Variants in STAB2 observed in about 807,000 individuals in gnomAD.
STAB2 encodes the protein stabilin 2.
In STAB2, 288 loss-of-function variants were observed where a neutral mutation model predicts 338.1. The ratio of observed to expected loss-of-function variants is 0.85; its 90% CI spans 0.77 to 0.94. The LOEUF is 0.94. STAB2 is among the 40% of genes least tolerant of loss of function. The probability of loss-of-function intolerance (pLI) is 0.00; values close to 1 mark genes in which losing one functional copy is unlikely to be tolerated. For synonymous variants in STAB2, 1,202 were observed against 1,193.3 expected (o/e 1.01, Z -0.15); for missense variants, 3,141 against 3,210.1 (o/e 0.98, Z 0.52).
chr12:103,727,287 G>C lies in STAB2; in HGVS notation c.4872G>C (p.Leu1624=). Residue 1624 remains leucine, a synonymous_variant, in exon 47 of 69, where the codon CTG becomes CTC. Transcript: ENST00000388887. ...FQLQEHFVKD[L]VGPGPFTVFA... Reference sequence around the variant, plus strand: ...CACAGGAGCATTTCGTGAAAGATCTGGTCGGCCCAGGCCCCTTCACTGTTT... The same window carrying C: ...CACAGGAGCATTTCGTGAAAGATCTCGTCGGCCCAGGCCCCTTCACTGTTT... 2 of 1,614,222 alleles carry C rather than the reference G, an allele frequency of 1.2e-6. No homozygotes were observed. The highest frequency in any genetic ancestry group is 1.7e-6 in the Non-Finnish European group (2 of 1,180,030).
intron 58 of STAB2, among the ~76,000 whole-genome samples, chr12:103,747,297 G>C (rs1180468741): frequency 6.6e-6 from 1 of 152,192 alleles, no homozygotes; most frequent in African/African-American, 2.4e-5. Flanking sequence ...CAGCCATACA[G>C]AGGCCCAAAT....
intron 23 of STAB2, 130 bp from the exon 24 acceptor site, chr12:103,675,798 C>T (rs544640184): frequency 2.7e-5 from 17 of 637,840 alleles, no homozygotes; most frequent in East Asian, 1.2e-4. Flanking sequence ...CACATTTGAG[C>T]GCTGGCTTCC....
chr12:103,761,384 C>G lies in STAB2; in HGVS notation c.7333C>G (p.Pro2445Ala), dbSNP rs148020291. ...SNGIIHVISR[P>A]LKAPPAPVTL... is the part of the protein sequence containing the mutation. ...TGGGATCATTCATGTCATTTCCAGGCCTTTAAAAGCACCCCCTGCCCCCGT... is the reference window on the plus strand; with the variant it reads ...TGGGATCATTCATGTCATTTCCAGGGCTTTAAAAGCACCCCCTGCCCCCGT... The change falls in exon 66 of 69, where the codon CCT becomes GCT. Residue 2445 changes from proline (P) to alanine (A), a missense_variant. Physicochemically the swap from Pro to Ala is conservative, Grantham distance 27. Coordinates refer to ENST00000388887, the MANE Select transcript of STAB2 (RefSeq NM_017564.10). 28 of 1,613,752 alleles carry G rather than the reference C, an allele frequency of 1.7e-5. No homozygotes were observed. Among genetic ancestry groups the G allele is most frequent in the African/African-American group, 2.7e-5 (2 of 74,876 alleles).
intron 3 of STAB2, among the ~76,000 whole-genome samples, chr12:103,603,927 G>A (rs1956990248): frequency 6.6e-6 from 1 of 152,010 alleles, no homozygotes; most frequent in Admixed American, 6.5e-5. Context: ...TACAAATTTT[G>A]CAGAATTCTT....
At chr12:103,593,569 A>C (rs1956831248) in intron 2 of STAB2, among the ~76,000 whole-genome samples, 1 of 152,210 alleles carries the variant, frequency 6.6e-6, no homozygotes, top group East Asian at 1.9e-4. Flanking sequence ...AACCATTCAA[A>C]AAAAGTCAAC....
In STAB2 at chr12:103,735,510, C is replaced by T. The variant is rs1882041664; in HGVS notation, c.5480C>T (p.Pro1827Leu). Reference protein sequence around the residue: ...RDAKVLAVDLPTSTAWKTLQG... With the variant: ...RDAKVLAVDLLTSTAWKTLQG... Reference sequence around the variant, plus strand: ...CTACAGGTTTTAGCTGTGGATCTTCCCACATCCACTGCCTGGAAGACCCTG... The same window carrying T: ...CTACAGGTTTTAGCTGTGGATCTTCTCACATCCACTGCCTGGAAGACCCTG... Residue 1827 changes from proline (P) to leucine (L), a missense_variant, in exon 52 of 69, where the codon CCC becomes CTC. Physicochemically the swap from Pro to Leu is moderately conservative, Grantham distance 98. Coordinates refer to ENST00000388887, the MANE Select transcript of STAB2 (RefSeq NM_017564.10). 6.2e-6 allele frequency: 10 copies of T among 1,610,920 alleles called. No individual in the cohort carries two copies. The highest frequency in any genetic ancestry group is 1.1e-5 in the South Asian group (1 of 90,412).
chr12:103,660,395 C>T lies in STAB2; in HGVS notation c.1788+11C>T. 6.2e-7 allele frequency: 1 copy of T among 1,614,078 alleles called. No individual in the cohort carries two copies. Among genetic ancestry groups the T allele is most frequent in the South Asian group, 1.1e-5 (1 of 91,076 alleles). On this transcript the variant is annotated intron_variant, in intron 16 of 68. Transcript: ENST00000388887. ...GTCCCATTTACCCAGGTTGGCCCCACTTTTCCTGCTGCTACTTTCTCTCTG... is the reference window on the plus strand; with the variant it reads ...GTCCCATTTACCCAGGTTGGCCCCATTTTTCCTGCTGCTACTTTCTCTCTG...
chr12:103,753,227 T>A lies in STAB2; in HGVS notation c.6588T>A (p.Thr2196=). The A allele has an allele frequency of 6.2e-7, 1 of 1,614,172 alleles. No homozygotes were observed. Among genetic ancestry groups the A allele is most frequent in the Non-Finnish European group, 8.5e-7 (1 of 1,180,002 alleles). ...KCVDLHFQDT[T]VGVFHLRSPL... The stretch of plus-strand genomic sequence containing the variant: ...CTCCTCTTCCTCATCCAGATACCAC[T>A]GTTGGGGTGTTCCATCTACGCTCCC... Residue 2196 remains threonine, a synonymous_variant, in exon 61 of 69, where the codon ACT becomes ACA. Transcript: ENST00000388887.
chr12:103,637,304 AT>A, intron 7 of STAB2, 68 bp downstream of exon 7: 1 of 1,556,740 alleles, frequency 6.4e-7, no homozygotes, highest in South Asian at 1.2e-5. Flanking sequence ...GGAAAAAAAA[AT>A]CTCACAACCT....
At position 103,675,893 on chromosome 12, in the gene STAB2, A is replaced by G. The variant is rs369579741; in HGVS notation, c.2553-35A>G. 218 of 1,559,180 alleles carry G rather than the reference A, an allele frequency of 1.4e-4. No individual in the cohort carries two copies. The African/African-American group carries it at 2.7e-3, about 19-fold the overall frequency. On this transcript the variant is annotated intron_variant, in intron 23 of 68. Transcript: ENST00000388887. ...GCTCTCTTCTGGGTCGTTGGTGCTT[A>G]TTCTGGGGCTGATATTGCACACTCT...
chr12:103,665,350 C>T (rs1413391979), intron 18 of STAB2, among the ~76,000 whole-genome samples: 1 of 152,190 alleles, frequency 6.6e-6, no homozygotes, highest in Admixed American at 6.5e-5. Context: ...TAGTTATGGT[C>T]TCTGCAAGAA....
At position 103,663,136 on chromosome 12, in the gene STAB2, A is replaced by C. The variant is rs1874768111; in HGVS notation, c.2022+138A>C. 5 of 1,085,718 alleles carry C rather than the reference A, an allele frequency of 4.6e-6. No individual in the cohort carries two copies. In the East Asian group the frequency reaches 1.0e-4, roughly 22 times the overall value. 67.3% of individuals were successfully genotyped at this position (1,085,718 alleles called of 1,614,324 possible). ...TTGTCCCCAAAGGGCTTCCGTCTTC[A>C]TGAAGATGCAGGTGGATCTGAAGTC... is the stretch of plus-strand genomic sequence containing the variant. On this transcript the variant is annotated intron_variant, in intron 18 of 68. Coordinates refer to ENST00000388887, the MANE Select transcript of STAB2 (RefSeq NM_017564.10).
chr12:103,714,253 ATTAT>A (rs1485700312), intron 42 of STAB2, among the ~76,000 whole-genome samples: 1 of 152,220 alleles, frequency 6.6e-6, no homozygotes, highest in East Asian at 1.9e-4. Flanking sequence ...TACCTCTAAC[ATTAT>A]TTAAATATCC....
chr12:103,717,367 C>T (rs1880401768), intron 43 of STAB2, among the ~76,000 whole-genome samples: 1 of 152,152 alleles, frequency 6.6e-6, no homozygotes, highest in African/African-American at 2.4e-5. Context: ...GCACTGGTGC[C>T]TTTCAGCTCA....
At position 103,623,478 on chromosome 12, in the gene STAB2, G is replaced by A. The variant is rs1565967722; in HGVS notation, c.487+1367G>A. ...GGGGTCCTTAAGGATGGAGAAGGGA[G>A]GCAGAAGAGGAGTGTCAGAGTTACG... On this transcript the variant is annotated intron_variant, in intron 5 of 68. Coordinates refer to ENST00000388887, the MANE Select transcript of STAB2 (RefSeq NM_017564.10). Among the ~76,000 whole-genome samples the A allele has an allele frequency of 2.0e-5, 3 of 152,286 alleles. No homozygotes were observed. The South Asian group carries it at 6.2e-4, about 32-fold the overall frequency.
chr12:103,694,128 G>T (rs1202253688), intron 31 of STAB2, among the ~76,000 whole-genome samples: 1 of 152,134 alleles, frequency 6.6e-6, no homozygotes, highest in Non-Finnish European at 1.5e-5. Flanking sequence ...CCACCATTGT[G>T]CCCTGCATAA....
chr12:103,738,899 C>T (rs1315894631), intron 53 of STAB2, among the ~76,000 whole-genome samples: 1 of 152,186 alleles, frequency 6.6e-6, no homozygotes, highest in Admixed American at 6.5e-5. Context: ...AACAAAACCA[C>T]GGAGCTAATG....
intron 19 of STAB2, among the ~76,000 whole-genome samples, chr12:103,668,411 G>A (rs1160351985): frequency 6.6e-6 from 1 of 152,184 alleles, no homozygotes; most frequent in Non-Finnish European, 1.5e-5. Flanking sequence ...ATAAAGATCT[G>A]TGGGCCATGG....
At chr12:103,713,871 G>T (rs1189399527) in intron 42 of STAB2, 103 bp downstream of exon 42, 11 of 1,533,196 alleles carry the variant, frequency 7.2e-6, no homozygotes, top group African/African-American at 1.4e-5. Flanking sequence ...CAAAACTGAG[G>T]TCAGTATTCC....
Sources: gnomAD v4.1 joint callset for allele counts (sites outside exome capture counted in the v4.1 genomes callset) on GRCh38, gnomAD v4.1.1 for gene constraint, MANE v1.5 for transcripts, NCBI Gene and HGNC (gene_info 2026-07-23, HGNC 2026-07-21) for gene names.